ARHGAP12: variants seen among roughly 807,000 people sequenced by gnomAD.
The protein encoded by ARHGAP12 is rho GTPase-activating protein 12.
Under a neutral mutation model 108.6 loss-of-function variants are expected in ARHGAP12, and 64 were observed. The ratio of observed to expected loss-of-function variants is 0.59; its 90% CI spans 0.48 to 0.73. ARHGAP12 has a LOEUF of 0.73. Ranked by LOEUF, ARHGAP12 falls within the 30% of genes least tolerant of loss-of-function variation. The pLI is 0.00. For synonymous variants in ARHGAP12, 312 were observed against 337.2 expected, an observed-to-expected ratio of 0.93 and a Z score of 0.82; for missense variants, 940 against 1,005.9, an observed-to-expected ratio of 0.93 and a Z score of 0.89.
intron 11 of ARHGAP12, among the ~76,000 whole-genome samples, chr10:31,822,759 A>C (rs1278104480): frequency 6.6e-6 from 1 of 152,018 alleles, no homozygotes; most frequent in Non-Finnish European, 1.5e-5. Flanking sequence ...TAGCCCTACC[A>C]TCTAGCCTGC....
chr10:31,882,668 G>A lies in ARHGAP12; in HGVS notation c.685-21010C>T, dbSNP rs141018924. The stretch of plus-strand genomic sequence containing the variant: ...TCCCTACTAAAAATACAAAAACTAC[G>A]TGGGCGTGGTGGCACGTGCCTGTAA... On this transcript the variant is annotated intron_variant, in intron 3 of 19. Transcript: ENST00000344936. 1.8e-4 allele frequency among the ~76,000 whole-genome samples: 27 copies of A among 151,670 alleles called. No individual in the cohort carries two copies. The East Asian group carries it at 1.9e-3, about 11-fold the overall frequency.
intron 3 of ARHGAP12, among the ~76,000 whole-genome samples, chr10:31,889,544 A>G (rs2132395590): frequency 6.6e-6 from 1 of 152,010 alleles, no homozygotes. Flanking sequence ...GTAAAAATCC[A>G]GTAACCACTT....
At chr10:31,920,304 G>A (rs1839741220) in intron 1 of ARHGAP12, among the ~76,000 whole-genome samples, 1 of 150,820 alleles carries the variant, frequency 6.6e-6, no homozygotes, top group African/African-American at 2.4e-5. Flanking sequence ...ACAGAAATTA[G>A]CCAGGCGTGG....
intron 9 of ARHGAP12, among the ~76,000 whole-genome samples, chr10:31,837,358 C>A (rs1836067518): frequency 6.6e-6 from 1 of 152,234 alleles, no homozygotes; most frequent in Admixed American, 6.5e-5. Context: ...GTACCCAGTA[C>A]TGTGCAAATA....
At chr10:31,876,149 GTAGGT>G (rs1349439437) in intron 3 of ARHGAP12, among the ~76,000 whole-genome samples, 3 of 152,128 alleles carry the variant, frequency 2.0e-5, no homozygotes, top group Non-Finnish European at 2.9e-5. Context: ...GTTCTTTGGG[GTAGGT>G]ACCCAGAGCC....
chr10:31,861,565 G>A lies in ARHGAP12; in HGVS notation c.778C>T (p.Pro260Ser), dbSNP rs1837117333. ...TTAATCTGAATTGCCGGGCTCCCAG[G>A]AAGTGGGGGAAGAGCAGACTGGGAT... ...KISQSALPPL[P>S]GSPAIQINGE... Residue 260 changes from proline (P) to serine (S), a missense_variant, in exon 4 of 20, where the codon CCT becomes TCT. Physicochemically the swap from Pro to Ser is moderately conservative, Grantham distance 74. Transcript: ENST00000344936. The A allele has an allele frequency of 3.1e-6, 5 of 1,614,072 alleles. No individual in the cohort carries two copies. The highest frequency in any genetic ancestry group is 4.2e-6 in the Non-Finnish European group (5 of 1,180,020).
At chr10:31,913,037 T>C (rs1054236854) in intron 1 of ARHGAP12, 1 of 152,238 alleles carries the variant, frequency 6.6e-6, no homozygotes, top group Non-Finnish European at 1.5e-5. Flanking sequence ...TATAATGCCA[T>C]GTGTCGGCCG....
chr10:31,885,051 G>A (rs149599949), intron 3 of ARHGAP12, among the ~76,000 whole-genome samples: 33 of 152,202 alleles, frequency 2.2e-4, no homozygotes, highest in African/African-American at 7.7e-4. Context: ...ACATCCTGGA[G>A]AGCAGGGTGT....
chr10:31,915,827 G>GA (rs891269214), intron 1 of ARHGAP12, among the ~76,000 whole-genome samples: 1 of 151,972 alleles, frequency 6.6e-6, no homozygotes, highest in South Asian at 2.1e-4. Context: ...TAAATTCTCT[G>GA]AAAAAAATAA....
At chr10:31,872,215 C>A (rs576856463) in intron 3 of ARHGAP12, among the ~76,000 whole-genome samples, 2 of 152,130 alleles carry the variant, frequency 1.3e-5, no homozygotes, top group Non-Finnish European at 2.9e-5. Context: ...CACACACTAA[C>A]TCCCTACTTC....
intron 7 of ARHGAP12, among the ~76,000 whole-genome samples, chr10:31,843,125 A>G (rs918467671): frequency 3.3e-5 from 5 of 152,160 alleles, no homozygotes; most frequent in African/African-American, 9.6e-5. Context: ...TCTGTCACCT[A>G]CTGGGATCAA....
intron 3 of ARHGAP12, among the ~76,000 whole-genome samples, chr10:31,889,650 A>T (rs1838339031): frequency 1.8e-5 from 2 of 111,144 alleles, no homozygotes; most frequent in Admixed American, 1.2e-4. Flanking sequence ...TTTTTGAGAC[A>T]GGATCTCGCT....
intron 13 of ARHGAP12, 26 bp from the exon 14 acceptor site, chr10:31,814,387 C>T: frequency 6.6e-7 from 1 of 1,506,698 alleles, no homozygotes; most frequent in Non-Finnish European, 9.2e-7. Flanking sequence ...TTCCCAAACA[C>T]ATATTACACT....
intron 3 of ARHGAP12, among the ~76,000 whole-genome samples, chr10:31,876,359 A>T (rs1837731995): frequency 6.6e-6 from 1 of 152,090 alleles, no homozygotes; most frequent in Non-Finnish European, 1.5e-5. Context: ...CTCTACTAAA[A>T]TATTTAAAAA....
At chr10:31,865,991 A>G (rs1360089522) in intron 3 of ARHGAP12, among the ~76,000 whole-genome samples, 15 of 152,212 alleles carry the variant, frequency 9.9e-5, no homozygotes, top group Admixed American at 9.8e-4. Flanking sequence ...ACCCTGGAAA[A>G]TACTAAGCTG....
At chr10:31,839,596 T>C in intron 8 of ARHGAP12, 41 bp downstream of exon 8, 1 of 1,500,230 alleles carries the variant, frequency 6.7e-7, no homozygotes, top group Non-Finnish European at 9.1e-7. Context: ...TTGATTGAAA[T>C]AACTGGACTA....
At chr10:31,917,188 T>C (rs990993432) in intron 1 of ARHGAP12, among the ~76,000 whole-genome samples, 2 of 151,608 alleles carry the variant, frequency 1.3e-5, no homozygotes, top group African/African-American at 4.9e-5. Context: ...GGCGGGCAGA[T>C]CATGAGGTCA....
intron 15 of ARHGAP12, among the ~76,000 whole-genome samples, chr10:31,811,934 T>A (rs903186991): frequency 3.3e-5 from 5 of 152,196 alleles, no homozygotes; most frequent in Admixed American, 2.6e-4. Context: ...GGTTTACAGA[T>A]GTGAGCCACT....
intron 9 of ARHGAP12, 147 bp downstream of exon 9, chr10:31,839,158 G>A: frequency 1.4e-6 from 1 of 739,444 alleles, no homozygotes; most frequent in Non-Finnish European, 2.1e-6. Flanking sequence ...CTTAACAGAA[G>A]TCACATGGAG....
Sources: allele counts gnomAD v4.1 joint callset (sites outside exome capture counted in the v4.1 genomes callset), GRCh38; gene constraint gnomAD v4.1.1; transcripts MANE v1.5; gene names NCBI Gene and HGNC (gene_info 2026-07-23, HGNC 2026-07-21).